NRXN1: variants seen among roughly 807,000 people sequenced by gnomAD.
The protein encoded by NRXN1 is neurexin 1, also known as neurexin-1.
A neutral mutation model predicts 150.9 loss-of-function variants in NRXN1; 39 were observed. The ratio of observed to expected loss-of-function variants is 0.26; its 90% CI spans 0.20 to 0.34. NRXN1 has a LOEUF of 0.34. NRXN1 is among the 10% of genes least tolerant of loss of function. The pLI is 1.00. For missense variants in NRXN1, 1,815 were observed against 1,949.9 expected (o/e 0.93, Z 1.30); for synonymous variants, 924 against 757.0 (o/e 1.22, Z -3.62).
chr2:50,937,064 C>T (rs1178512968), intron 2 of NRXN1, among the ~76,000 whole-genome samples: 3 of 152,022 alleles, frequency 2.0e-5, no homozygotes, highest in South Asian at 4.1e-4. Flanking sequence ...ATCTAATATA[C>T]TTTTTCTAAT....
At chr2:50,936,118 TG>T (rs900514503) in intron 2 of NRXN1, among the ~76,000 whole-genome samples, 16 of 152,288 alleles carry the variant, frequency 1.1e-4, no homozygotes, top group African/African-American at 2.9e-4. Flanking sequence ...GCATATGAGC[TG>T]TTGTTTGGAA....
intron 18 of NRXN1, among the ~76,000 whole-genome samples, chr2:50,183,529 A>G (rs1271587912): frequency 6.6e-6 from 1 of 151,868 alleles, no homozygotes; most frequent in Non-Finnish European, 1.5e-5. Flanking sequence ...GTGTTTGTAA[A>G]AAAAATATAT....
At chr2:50,290,916 C>T (rs1027792582) in intron 17 of NRXN1, among the ~76,000 whole-genome samples, 1 of 152,094 alleles carries the variant, frequency 6.6e-6, no homozygotes, top group Non-Finnish European at 1.5e-5. Context: ...GGCAAAGGAA[C>T]CCTTTCCAAA....
At chr2:50,460,858 A>G (rs1232890020) in intron 17 of NRXN1, among the ~76,000 whole-genome samples, 1 of 152,014 alleles carries the variant, frequency 6.6e-6, no homozygotes, top group African/African-American at 2.4e-5. Context: ...ATTCAAGGTT[A>G]ATAAGATTCA....
intron 17 of NRXN1, among the ~76,000 whole-genome samples, chr2:50,438,025 T>C (rs1450139192): frequency 2.6e-5 from 4 of 152,214 alleles, no homozygotes; most frequent in East Asian, 3.8e-4. Flanking sequence ...TGGCATGTTC[T>C]AAGTTCTACA....
In NRXN1 at chr2:50,584,332, G is replaced by A. The variant is rs190763448; in HGVS notation, c.1321-31307C>T. On this transcript the variant is annotated intron_variant, in intron 8 of 22. Coordinates refer to ENST00000401669, the MANE Select transcript of NRXN1 (RefSeq NM_001330078.2). The stretch of plus-strand genomic sequence containing the variant: ...TGCTAAGTTGTTTGTGTGGCCATAT[G>A]TTCCTATATTTCTAGGTCAGTCTTG... 6.6e-5 allele frequency among the ~76,000 whole-genome samples: 10 copies of A among 152,246 alleles called. No homozygotes were observed. The East Asian group carries it at 1.7e-3, about 27-fold the overall frequency.
intron 17 of NRXN1, among the ~76,000 whole-genome samples, chr2:50,348,841 T>C (rs1396189176): frequency 6.6e-6 from 1 of 152,178 alleles, no homozygotes; most frequent in African/African-American, 2.4e-5. Context: ...GCTGGACTTT[T>C]TTTTTTTTGT....
At chr2:50,971,603 AAAAT>A (rs2104790603) in intron 2 of NRXN1, among the ~76,000 whole-genome samples, 2 of 152,074 alleles carry the variant, frequency 1.3e-5, no homozygotes, top group African/African-American at 2.4e-5. Context: ...AATAAAATAA[AAAAT>A]AAATAAAATA....
At chr2:50,730,700 T>C (rs1697991113) in intron 5 of NRXN1, among the ~76,000 whole-genome samples, 1 of 122,240 alleles carries the variant, frequency 8.2e-6, no homozygotes, top group Admixed American at 1.1e-4. Context: ...TGAGACGGAG[T>C]CTTGCTCTGT....
intron 5 of NRXN1, among the ~76,000 whole-genome samples, chr2:50,764,504 C>T (rs1408949718): frequency 6.6e-6 from 1 of 151,868 alleles, no homozygotes; most frequent in Non-Finnish European, 1.5e-5. Flanking sequence ...TAATATGTAC[C>T]AGATATTCTG....
rs1477040269 is a variant in NRXN1 at position 50,527,948 on chromosome 2, TTAAGA to T, written c.2374+672_2374+676del. Among the ~76,000 whole-genome samples, 3 of 152,330 alleles carry T rather than the reference TTAAGA, an allele frequency of 2.0e-5. No individual in the cohort carries two copies. In the South Asian group the frequency reaches 6.2e-4, roughly 32 times the overall value. On this transcript the variant is annotated intron_variant, in intron 12 of 22. Coordinates refer to ENST00000401669, the MANE Select transcript of NRXN1 (RefSeq NM_001330078.2). ...TGTACAGAAATAAATAAGTTTACAC[TTAAGA>T]TAATGCCACAACTCAAAATAAAATC...
chr2:50,562,694 C>T (rs1669287969), intron 8 of NRXN1, among the ~76,000 whole-genome samples: 1 of 151,912 alleles, frequency 6.6e-6, no homozygotes, highest in East Asian at 1.9e-4. Flanking sequence ...TTTTTTTGTC[C>T]TTCTTTTTCT....
intron 18 of NRXN1, among the ~76,000 whole-genome samples, chr2:50,214,317 T>A (rs577517153): frequency 6.6e-6 from 1 of 152,126 alleles, no homozygotes; most frequent in South Asian, 2.1e-4. Context: ...GGGAAAGTCT[T>A]TAGCATACGT....
chr2:50,323,070 ATCCTTCATAAAAC>A (rs1018096944), intron 17 of NRXN1, among the ~76,000 whole-genome samples: 1 of 152,218 alleles, frequency 6.6e-6, no homozygotes, highest in Non-Finnish European at 1.5e-5. Context: ...CATAGGTCAT[ATCCTTCATAAAAC>A]TTATCGGAAG....
chr2:50,753,142 T>A (rs1700792158), intron 5 of NRXN1, among the ~76,000 whole-genome samples: 2 of 151,994 alleles, frequency 1.3e-5, no homozygotes, highest in Admixed American at 6.6e-5. Flanking sequence ...TAGTATTATT[T>A]AAACTTTGTG....
chr2:50,629,049 G>C (rs903093341), intron 5 of NRXN1, among the ~76,000 whole-genome samples: 25 of 151,720 alleles, frequency 1.6e-4, no homozygotes, highest in African/African-American at 5.8e-4. Context: ...GAACTATTTT[G>C]TGAAATTGTT....
At chr2:50,272,539 G>A (rs1311828159) in intron 17 of NRXN1, among the ~76,000 whole-genome samples, 1 of 152,084 alleles carries the variant, frequency 6.6e-6, no homozygotes, top group Non-Finnish European at 1.5e-5. Flanking sequence ...TTTCAATGAA[G>A]TCAAAAGAAA....
chr2:49,920,961 C>G lies in NRXN1; in HGVS notation c.*983G>C, dbSNP rs1308828222. The stretch of plus-strand genomic sequence containing the variant: ...TAGAATAAACACTACACTGTAATTT[C>G]TTTAAAAAATAAAAGTAATTGTGGC... On this transcript the variant is annotated 3_prime_UTR_variant, in exon 23 of 23. Transcript: ENST00000401669. The G allele has an allele frequency of 8.1e-6, 1 of 122,752 alleles. No homozygotes were observed. Among genetic ancestry groups the G allele is most frequent in the Non-Finnish European group, 1.8e-5 (1 of 56,926 alleles). The allele number at this position is 122,752 out of a possible 1,614,324, so 7.6% of individuals were successfully genotyped here. A position where few individuals can be genotyped will look rare whatever the true frequency, so the allele number is the denominator to read the frequency against.
chr2:50,017,693 G>A (rs531804877), intron 21 of NRXN1, among the ~76,000 whole-genome samples: 24 of 144,074 alleles, frequency 1.7e-4, no homozygotes, highest in African/African-American at 5.1e-4. Context: ...TACATTACGC[G>A]AACCCTGATA....
Sources: allele counts gnomAD v4.1 joint callset (sites outside exome capture counted in the v4.1 genomes callset), GRCh38; gene constraint gnomAD v4.1.1; transcripts MANE v1.5; gene names NCBI Gene and HGNC (gene_info 2026-07-23, HGNC 2026-07-21).